The following ESRP1 variants were observed in gnomAD, a reference collection of about 807,000 sequenced individuals.
ESRP1 encodes the protein RNA-binding motif protein 35A.
In ESRP1, 33 loss-of-function variants were observed where a neutral mutation model predicts 81.7. The observed-to-expected ratio is 0.40, with a 90% CI of 0.31 to 0.54. The LOEUF is 0.54. Ranked by LOEUF, ESRP1 falls within the 20% of genes least tolerant of loss-of-function variation. The pLI is 0.41. For missense variants in ESRP1, 672 were observed against 833.1 expected (o/e 0.81, Z 2.38); for synonymous variants, 320 against 303.3 (o/e 1.06, Z -0.57).
intron 10 of ESRP1, among the ~76,000 whole-genome samples, chr8:94,669,912 A>G (rs1442886258): frequency 6.6e-6 from 1 of 152,036 alleles, no homozygotes; most frequent in African/African-American, 2.4e-5. Flanking sequence ...ACCTTTTTGA[A>G]AATGTCATAA....
At chr8:94,667,845 C>A in intron 9 of ESRP1, 104 bp from the exon 10 acceptor site, 1 of 970,098 alleles carries the variant, frequency 1.0e-6, no homozygotes, top group East Asian at 2.5e-5. Context: ...TATGGGTCTT[C>A]ATTATGAACT....
At chr8:94,643,477 A>T (rs981247602) in intron 3 of ESRP1, 61 bp downstream of exon 3, 2 of 1,176,762 alleles carry the variant, frequency 1.7e-6, no homozygotes, top group South Asian at 1.3e-5. Flanking sequence ...GGAGGTTTTT[A>T]AAAATTTTTG....
rs1449418203 is a variant in ESRP1 at position 94,662,176 on chromosome 8, C to A, written c.491-96C>A. The A allele has an allele frequency of 8.5e-6, 6 of 703,168 alleles. No individual in the cohort carries two copies. The African/African-American group carries it at 9.2e-5, about 11-fold the overall frequency. 43.6% of individuals were successfully genotyped at this position (703,168 alleles called of 1,614,324 possible). Reference sequence around the variant, plus strand: ...ATTTCTAAAGGAAGCTCAGCTAGATCCATCTTCTTCCTCTTGGCTTGGTAT... The same window carrying A: ...ATTTCTAAAGGAAGCTCAGCTAGATACATCTTCTTCCTCTTGGCTTGGTAT... On this transcript the variant is annotated intron_variant, in intron 4 of 15. Coordinates refer to ENST00000433389, the MANE Select transcript of ESRP1 (RefSeq NM_017697.4).
intron 13 of ESRP1, among the ~76,000 whole-genome samples, chr8:94,679,003 A>G (rs909574078): frequency 1.3e-5 from 2 of 152,178 alleles, no homozygotes; most frequent in Non-Finnish European, 1.5e-5. Context: ...AGCTATTTAG[A>G]AGAAATATTT....
intron 4 of ESRP1, among the ~76,000 whole-genome samples, chr8:94,653,741 C>T (rs1359506502): frequency 1.3e-5 from 2 of 151,968 alleles, no homozygotes; most frequent in African/African-American, 2.4e-5. Flanking sequence ...CCTTCCCTGC[C>T]CTGCTGTAAA....
At chr8:94,672,637 A>G (rs1352221615) in intron 11 of ESRP1, among the ~76,000 whole-genome samples, 2 of 152,050 alleles carry the variant, frequency 1.3e-5, no homozygotes, top group African/African-American at 4.8e-5. Context: ...AGTTCAAGCA[A>G]TTCTCCTGCC....
intron 10 of ESRP1, among the ~76,000 whole-genome samples, chr8:94,668,808 T>TGTGTGTGTGTGTGTGTGTGTGTGTG (rs56799877): frequency 1.3e-4 from 20 of 151,386 alleles, no homozygotes; most frequent in East Asian, 2.0e-4. Flanking sequence ...TGTGTGTGTG[T>TGTGTGTGTGTGTGTGTGTGTGTGTG]TTGAGATGGG....
Position 94,646,191 on chromosome 8 carries a change from C to T in ESRP1, c.399C>T (p.Phe133=). 1 of 1,610,814 alleles carries T rather than the reference C, an allele frequency of 6.2e-7. No individual in the cohort carries two copies. The highest frequency in any genetic ancestry group is 1.1e-5 in the South Asian group (1 of 90,806). Residue 133 remains phenylalanine (F), a synonymous_variant, in exon 4 of 16, where the codon TTC becomes TTT. Transcript: ENST00000433389. The part of the protein sequence containing the change: ...SKKNVLLPEC[F]YSFFDLRKEF... ...AGAATGTACTATTACCTGAATGCTTCTATTCCTTTTTTGATCTTCGAAAAG... is the reference window on the plus strand; with the variant it reads ...AGAATGTACTATTACCTGAATGCTTTTATTCCTTTTTTGATCTTCGAAAAG...
At chr8:94,641,869 C>T in intron 1 of ESRP1, 87 bp from the exon 2 acceptor site, 3 of 1,552,330 alleles carry the variant, frequency 1.9e-6, no homozygotes, top group Non-Finnish European at 2.6e-6. Context: ...GAGGCGCGGG[C>T]CGCCCCAGCA....
chr8:94,700,910 C>T (rs111348798), intron 15 of ESRP1, among the ~76,000 whole-genome samples: 5 of 147,106 alleles, frequency 3.4e-5, no homozygotes, highest in African/African-American at 1.3e-4. Context: ...GCCTGGGCAA[C>T]AGAGCAAGAC....
At chr8:94,654,747 C>A (rs556900500) in intron 4 of ESRP1, among the ~76,000 whole-genome samples, 1 of 151,926 alleles carries the variant, frequency 6.6e-6, no homozygotes, top group South Asian at 2.1e-4. Flanking sequence ...CACAGGGAGA[C>A]CCTGTCTCTA....
chr8:94,652,807 C>A (rs950579777), intron 4 of ESRP1, among the ~76,000 whole-genome samples: 1 of 152,136 alleles, frequency 6.6e-6, no homozygotes, highest in Non-Finnish European at 1.5e-5. Context: ...ACTACATATG[C>A]CATGAACGGC....
At chr8:94,663,186 T>C (rs1818841192) in intron 6 of ESRP1, among the ~76,000 whole-genome samples, 1 of 152,224 alleles carries the variant, frequency 6.6e-6, no homozygotes, top group African/African-American at 2.4e-5. Flanking sequence ...ATTGTAGGCT[T>C]TAATAGAGTT....
At chr8:94,646,322 T>C (rs1586171935) in intron 4 of ESRP1, 40 bp downstream of exon 4, 1 of 1,289,194 alleles carries the variant, frequency 7.8e-7, no homozygotes, top group African/African-American at 1.5e-5. Context: ...TTTGAAAAGA[T>C]AGTTCCAGAA....
At chr8:94,678,777 T>G (rs937845033) in intron 13 of ESRP1, among the ~76,000 whole-genome samples, 7 of 152,250 alleles carry the variant, frequency 4.6e-5, no homozygotes, top group Non-Finnish European at 1.5e-5. Context: ...AACTGTTGCT[T>G]TAAATATTCC....
At chr8:94,683,793 T>C (rs1324191788) in intron 13 of ESRP1, among the ~76,000 whole-genome samples, 1 of 152,202 alleles carries the variant, frequency 6.6e-6, no homozygotes, top group East Asian at 1.9e-4. Flanking sequence ...GGTTTCTAAA[T>C]GATGTAAGGG....
intron 15 of ESRP1, among the ~76,000 whole-genome samples, chr8:94,699,161 A>G (rs1012121994): frequency 2.0e-5 from 3 of 152,178 alleles, no homozygotes; most frequent in Non-Finnish European, 2.9e-5. Context: ...AGCTTTTGAC[A>G]TTACACCAGA....
intron 13 of ESRP1, among the ~76,000 whole-genome samples, chr8:94,686,241 A>C (rs1446564631): frequency 2.0e-5 from 3 of 152,120 alleles, no homozygotes; most frequent in Non-Finnish European, 4.4e-5. Flanking sequence ...CGTTACCTAT[A>C]TATGTACAGA....
At chr8:94,684,428 C>T (rs942375357) in intron 13 of ESRP1, among the ~76,000 whole-genome samples, 1 of 152,072 alleles carries the variant, frequency 6.6e-6, no homozygotes, top group Non-Finnish European at 1.5e-5. Context: ...AAAAGTTAAC[C>T]TTGTTAATTT....
Sources: gnomAD v4.1 joint callset for allele counts (sites outside exome capture counted in the v4.1 genomes callset) on GRCh38, gnomAD v4.1.1 for gene constraint, MANE v1.5 for transcripts, NCBI Gene and HGNC (gene_info 2026-07-23, HGNC 2026-07-21) for gene names.